Variants in PLCB4 observed in about 807,000 individuals in gnomAD.
PLCB4 encodes phospholipase C beta 4, also known as 1-phosphatidylinositol 4,5-bisphosphate phosphodiesterase beta-4.
Under a neutral mutation model 178.8 loss-of-function variants are expected in PLCB4, and 77 were observed. The observed-to-expected ratio is 0.43, with a 90% CI of 0.36 to 0.52. PLCB4 has a LOEUF of 0.52. Among genes scored for constraint, PLCB4 ranks in the 20% least tolerant of loss-of-function variants. PLCB4 has a pLI of 0.00. For missense variants in PLCB4, 1,024 were observed against 1,453.4 expected, an observed-to-expected ratio of 0.70 and a Z score of 4.80; for synonymous variants, 496 against 490.8, an observed-to-expected ratio of 1.01 and a Z score of -0.14.
intron 3 of PLCB4, among the ~76,000 whole-genome samples, chr20:9,301,959 C>T (rs984875307): frequency 5.3e-5 from 8 of 151,912 alleles, no homozygotes; most frequent in South Asian, 4.2e-4. Context: ...AGGTTTCAGG[C>T]TGTCTATTCT....
chr20:9,329,986 G>A (rs982465067), intron 4 of PLCB4, among the ~76,000 whole-genome samples: 4 of 152,102 alleles, frequency 2.6e-5, no homozygotes, highest in Non-Finnish European at 5.9e-5. Context: ...TATCACTGAG[G>A]GCTTTAGTTT....
At chr20:9,418,663 T>G (rs1285851481) in intron 25 of PLCB4, among the ~76,000 whole-genome samples, 1 of 152,116 alleles carries the variant, frequency 6.6e-6, no homozygotes, top group African/African-American at 2.4e-5. Flanking sequence ...TCCCTTGAGT[T>G]TCTATATGAA....
In PLCB4 at chr20:9,123,049, GA is replaced by G. The variant is rs566102550; in HGVS notation, c.-79+26712del. On this transcript the variant is annotated intron_variant, in intron 2 of 39. Transcript: ENST00000378473. The stretch of plus-strand genomic sequence containing the variant: ...TTTATGTTTTTACAATATAGTTTGG[GA>G]AAAATATTTTTTTAAATCAAGAGAT... 5.6e-3 allele frequency among the ~76,000 whole-genome samples: 859 copies of G among 152,038 alleles called. 7 individuals are homozygous for G. Among genetic ancestry groups the G allele is most frequent in the Non-Finnish European group, 8.1e-3 (550 of 67,978 alleles).
At chr20:9,408,742 G>A (rs2039643545) in intron 23 of PLCB4, 25 bp downstream of exon 23, 1 of 1,269,462 alleles carries the variant, frequency 7.9e-7, no homozygotes, top group Non-Finnish European at 1.2e-6. Flanking sequence ...CAAGTGGAAT[G>A]AGTGGTTGAC....
intron 1 of PLCB4, among the ~76,000 whole-genome samples, chr20:9,093,705 T>G (rs2090783126): frequency 1.3e-5 from 2 of 151,586 alleles, no homozygotes; most frequent in Admixed American, 1.3e-4. Flanking sequence ...TTACACATGG[T>G]CTTTCCCCAA....
chr20:9,427,644 A>G (rs536126338), intron 28 of PLCB4, among the ~76,000 whole-genome samples: 2 of 152,350 alleles, frequency 1.3e-5, no homozygotes, highest in South Asian at 2.1e-4. Flanking sequence ...GCAAGGCTTT[A>G]TCAGTGTTAG....
chr20:9,115,038 A>C (rs1255491056), intron 2 of PLCB4, among the ~76,000 whole-genome samples: 1 of 152,124 alleles, frequency 6.6e-6, no homozygotes, highest in Admixed American at 6.5e-5. Flanking sequence ...CTGAGGTGTT[A>C]GTTCTGCAAA....
chr20:9,310,478 G>A (rs2094818738), intron 4 of PLCB4, among the ~76,000 whole-genome samples: 1 of 152,074 alleles, frequency 6.6e-6, no homozygotes, highest in Non-Finnish European at 1.5e-5. Context: ...TGGGAGGCCA[G>A]GGTGGGCAGA....
At position 9,389,868 on chromosome 20, in the gene PLCB4, T is replaced by G; in HGVS notation, c.1159-11T>G. The G allele has an allele frequency of 1.3e-6, 2 of 1,488,146 alleles. No homozygotes were observed. The highest frequency in any genetic ancestry group is 1.9e-6 in the Non-Finnish European group (2 of 1,077,580). 92.2% of individuals were successfully genotyped at this position (1,488,146 alleles called of 1,614,324 possible). A position where few individuals can be genotyped will look rare whatever the true frequency, so the allele number is the denominator to read the frequency against. Reference sequence around the variant, plus strand: ...CTTTTCTCTCATTAACGTTTTTTTTTGTTTTTAAAGGATGTAATTCAAGCC... The same window carrying G: ...CTTTTCTCTCATTAACGTTTTTTTTGGTTTTTAAAGGATGTAATTCAAGCC... On this transcript the variant is annotated splice_polypyrimidine_tract_variant and intron_variant, in intron 15 of 39. Transcript: ENST00000378473.
intron 3 of PLCB4, among the ~76,000 whole-genome samples, chr20:9,256,874 C>T (rs1601467487): frequency 6.6e-6 from 1 of 152,080 alleles, no homozygotes; most frequent in African/African-American, 2.4e-5. Context: ...ACTTTGTTTA[C>T]ATGTGACTCT....
At chr20:9,352,056 T>G (rs114083323) in intron 7 of PLCB4, among the ~76,000 whole-genome samples, 2 of 152,244 alleles carry the variant, frequency 1.3e-5, no homozygotes, top group Non-Finnish European at 2.9e-5. Context: ...TGGCTTAAGA[T>G]GATGCTTTTG....
rs2040625991 is a variant in PLCB4, at chr20:9,421,457, G to A, written c.2315G>A (p.Arg772Gln). The A allele has an allele frequency of 6.2e-7, 1 of 1,611,680 alleles. No individual in the cohort carries two copies. Among genetic ancestry groups the A allele is most frequent in the Non-Finnish European group, 8.5e-7 (1 of 1,178,516 alleles). ...PVYNEESFVFRKVILPDLAVL... is the reference protein window; with the variant it reads ...PVYNEESFVFQKVILPDLAVL... Reference sequence around the variant, plus strand: ...TACAATGAAGAGTCATTTGTATTTCGGAAGGTAGGACATTTTCAGCACGTC... The same window carrying A: ...TACAATGAAGAGTCATTTGTATTTCAGAAGGTAGGACATTTTCAGCACGTC... The change falls in exon 27 of 40, where the codon CGG becomes CAG. Residue 772 changes from arginine to glutamine, a missense_variant. Physicochemically the swap from Arg to Gln is conservative, Grantham distance 43. This residue lies in a region of PLCB4 where 227 missense variants were observed against 374.3 expected (regional missense o/e 0.61). Transcript: ENST00000378473.
At chr20:9,095,547 A>G (rs1384329601) in intron 1 of PLCB4, among the ~76,000 whole-genome samples, 1 of 152,174 alleles carries the variant, frequency 6.6e-6, no homozygotes, top group Non-Finnish European at 1.5e-5. Context: ...TAAACCATTT[A>G]CTTTCTTATT....
intron 2 of PLCB4, among the ~76,000 whole-genome samples, chr20:9,124,881 T>C (rs1316069441): frequency 6.6e-6 from 1 of 152,240 alleles, no homozygotes; most frequent in African/African-American, 2.4e-5. Context: ...TTGACAATTG[T>C]TTTTATCTCC....
chr20:9,155,605 T>C (rs926170031), intron 2 of PLCB4, among the ~76,000 whole-genome samples: 8 of 152,176 alleles, frequency 5.3e-5, no homozygotes, highest in African/African-American at 1.9e-4. Flanking sequence ...TTTCTGTTCA[T>C]TGAACACGAT....
intron 2 of PLCB4, among the ~76,000 whole-genome samples, chr20:9,170,007 G>T (rs548821814): frequency 6.6e-6 from 1 of 151,840 alleles, no homozygotes; most frequent in Non-Finnish European, 1.5e-5. Flanking sequence ...ATTTCTATTC[G>T]ATGAAATGCA....
chr20:9,229,984 T>C (rs992433603), intron 3 of PLCB4, among the ~76,000 whole-genome samples: 2 of 152,152 alleles, frequency 1.3e-5, no homozygotes, highest in Non-Finnish European at 2.9e-5. Flanking sequence ...CTAGGACTGA[T>C]AACAAAATAC....
intron 35 of PLCB4, among the ~76,000 whole-genome samples, chr20:9,464,453 G>A (rs190147757): frequency 1.0e-3 from 153 of 152,116 alleles, no homozygotes; most frequent in Non-Finnish European, 1.6e-3. Flanking sequence ...AAGAGATAGC[G>A]ACACAAAAAA....
chr20:9,317,396 G>A (rs1233519685), intron 4 of PLCB4, among the ~76,000 whole-genome samples: 1 of 152,058 alleles, frequency 6.6e-6, no homozygotes, highest in Non-Finnish European at 1.5e-5. Context: ...GTGGGGTAGG[G>A]CAGGGGCTTG....
Sources: allele counts gnomAD v4.1 joint callset (sites outside exome capture counted in the v4.1 genomes callset), GRCh38; gene constraint gnomAD v4.1.1; regional missense constraint gnomAD v4.1.1; transcripts MANE v1.5; gene names NCBI Gene and HGNC (gene_info 2026-07-23, HGNC 2026-07-21).